FRMPD4: variants seen among roughly 807,000 people sequenced by gnomAD.
The protein encoded by FRMPD4 is FERM and PDZ domain-containing protein 4.
In FRMPD4, 22 loss-of-function variants were observed where a neutral mutation model predicts 94.1. The observed-to-expected ratio is 0.23, with a 90% confidence interval of 0.17 to 0.33. FRMPD4 has a LOEUF of 0.33. FRMPD4 is among the 10% of genes least tolerant of loss of function. FRMPD4 has a pLI of 1.00. For missense variants in FRMPD4, 1,111 were observed against 1,339.9 expected, an observed-to-expected ratio of 0.83 and a Z score of 2.67; for synonymous variants, 631 against 548.6, an observed-to-expected ratio of 1.15 and a Z score of -2.10.
chrX:12,535,649 C>T (rs933230804), intron 2 of FRMPD4, among the ~76,000 whole-genome samples: 1 of 112,365 alleles, frequency 8.9e-6, no homozygotes, highest in Non-Finnish European at 1.9e-5. Context: ...AAGCAGGAGT[C>T]AGCAACTATA....
intron 1 of FRMPD4, among the ~76,000 whole-genome samples, chrX:12,319,289 GCAGT>G (rs761159161): frequency 8.9e-6 from 1 of 112,325 alleles, no homozygotes; most frequent in Non-Finnish European, 1.9e-5. Flanking sequence ...TTGCATGCAG[GCAGT>G]ATTTTTCAGA....
intron 1 of FRMPD4, among the ~76,000 whole-genome samples, chrX:12,277,614 T>C (rs912247642): frequency 1.8e-5 from 2 of 111,998 alleles, no homozygotes; most frequent in South Asian, 7.5e-4. Context: ...AAGGGGGTTT[T>C]ATCTCCTTTT....
chrX:12,637,716 T>C (rs2059455927), intron 4 of FRMPD4, among the ~76,000 whole-genome samples: 1 of 111,137 alleles, frequency 9.0e-6, no homozygotes, highest in African/African-American at 3.3e-5. Context: ...TTCCCCTATG[T>C]GACACTCTGC....
Position 12,332,066 on chromosome X carries a change from TA to T in FRMPD4, c.42-166612del, listed in dbSNP as rs1167160501. On this transcript the variant is annotated intron_variant, in intron 1 of 16. Coordinates refer to ENST00000675598, the MANE Select transcript of FRMPD4 (RefSeq NM_001368397.1). ...CTATATATAAATTATATGTAATATA[TA>T]ATTTATATTATATATAATTTATATT... 1.8e-3 allele frequency among the ~76,000 whole-genome samples: 107 copies of T among 59,206 alleles called. 21 individuals carry two copies. Among genetic ancestry groups the T allele is most frequent in the African/African-American group, 6.8e-3 (100 of 14,758 alleles). 51.4% of individuals were successfully genotyped at this position (59,206 alleles called of 115,157 possible). A position where few individuals can be genotyped will look rare whatever the true frequency, so the allele number is the denominator to read the frequency against.
intron 1 of FRMPD4, among the ~76,000 whole-genome samples, chrX:12,472,393 G>A (rs184124220): frequency 8.0e-5 from 9 of 112,449 alleles, no homozygotes; most frequent in Admixed American, 7.5e-4. Flanking sequence ...AAACTTGGAA[G>A]TGCTCTTAAA....
intron 1 of FRMPD4, among the ~76,000 whole-genome samples, chrX:12,302,366 G>A (rs1322939573): frequency 9.0e-6 from 1 of 111,648 alleles, no homozygotes. Context: ...ATTAGATGTT[G>A]CGTAATTTAT....
At chrX:12,025,430 G>A (rs1417319318) in intron 3 of FRMPD4, among the ~76,000 whole-genome samples, 3 of 110,413 alleles carry the variant, frequency 2.7e-5, no homozygotes, top group African/African-American at 9.9e-5. Flanking sequence ...ATTTTTCTGT[G>A]TAAACCTGTA....
chrX:12,600,624 A>C (rs967157219), intron 2 of FRMPD4, among the ~76,000 whole-genome samples: 14 of 112,172 alleles, frequency 1.2e-4, no homozygotes, highest in Non-Finnish European at 9.4e-5. Context: ...GTCACCAGCA[A>C]ACCAACAACC....
chrX:12,556,752 T>A (rs141072207), intron 2 of FRMPD4, among the ~76,000 whole-genome samples: 1,785 of 112,157 alleles, frequency 0.016, 29 homozygotes, highest in African/African-American at 0.052. Flanking sequence ...AAAGGATGCA[T>A]GTGTAGGAGC....
chrX:12,696,027 C>T (rs939384384), intron 9 of FRMPD4, among the ~76,000 whole-genome samples: 9 of 111,734 alleles, frequency 8.1e-5, no homozygotes, highest in Non-Finnish European at 1.3e-4. Context: ...TGAGCCACCG[C>T]GCCCAGCCCT....
intron 1 of FRMPD4, among the ~76,000 whole-genome samples, chrX:12,490,274 C>T (rs1178196334): frequency 2.7e-5 from 3 of 110,427 alleles, no homozygotes; most frequent in Non-Finnish European, 5.7e-5. Flanking sequence ...GGGTGGAGCC[C>T]TCATGACTTA....
At chrX:12,130,274 C>A (rs769976455) in intron 3 of FRMPD4, among the ~76,000 whole-genome samples, 1 of 111,875 alleles carries the variant, frequency 8.9e-6, no homozygotes, top group South Asian at 3.8e-4. Flanking sequence ...CCCCACTGTT[C>A]TCAACATCTT....
intron 1 of FRMPD4, among the ~76,000 whole-genome samples, chrX:12,210,407 C>G (rs1420806019): frequency 9.0e-6 from 1 of 111,115 alleles, no homozygotes; most frequent in Non-Finnish European, 1.9e-5. Context: ...CCAGCACAAG[C>G]CAATATGAAC....
chrX:12,208,903 C>T (rs1450419584), intron 1 of FRMPD4, among the ~76,000 whole-genome samples: 1 of 111,948 alleles, frequency 8.9e-6, no homozygotes, highest in Middle Eastern at 4.8e-3. Flanking sequence ...TTGGAAGAAA[C>T]TACAACAACA....
At chrX:11,894,944 C>A (rs143104704) in intron 3 of FRMPD4, among the ~76,000 whole-genome samples, 1 of 111,719 alleles carries the variant, frequency 9.0e-6, no homozygotes, top group East Asian at 2.8e-4. Context: ...GATCTACATG[C>A]GGCAGATAGG....
intron 1 of FRMPD4, among the ~76,000 whole-genome samples, chrX:12,311,282 G>C (rs983812749): frequency 8.9e-6 from 1 of 111,898 alleles, no homozygotes; most frequent in Non-Finnish European, 1.9e-5. Context: ...AATCAAACAT[G>C]AATTGTTAGC....
intron 3 of FRMPD4, among the ~76,000 whole-genome samples, chrX:12,032,067 G>C (rs994056363): frequency 1.8e-5 from 2 of 111,798 alleles, no homozygotes; most frequent in African/African-American, 6.5e-5. Context: ...GATTTTGATG[G>C]GAACGAAAAA....
In FRMPD4 at chrX:12,716,279, A is replaced by G; in HGVS notation, c.1820A>G (p.Asn607Ser). The change falls in exon 15 of 17, where the codon AAC becomes AGC. Residue 607 changes from asparagine (N) to serine (S), a missense_variant. By Grantham distance (46) the Asn-to-Ser change is conservative (BLOSUM62 1). Around this residue, in one of 8 missense-constraint regions of FRMPD4, gnomAD observed 192 missense variants for 192.5 expected, o/e 1.00. Transcript: ENST00000675598. Reference protein sequence around the residue: ...IDNAYSSDGLNQQLSQPGEAP... With the variant: ...IDNAYSSDGLSQQLSQPGEAP... Reference sequence around the variant, plus strand: ...AATGCCTATAGTTCAGATGGACTTAACCAGCAGCTGAGCCAGCCCGGGGAG... The same window carrying G: ...AATGCCTATAGTTCAGATGGACTTAGCCAGCAGCTGAGCCAGCCCGGGGAG... 8.3e-7 allele frequency: 1 copy of G among 1,210,900 alleles called. No homozygotes were observed. The highest frequency in any genetic ancestry group is 1.1e-6 in the Non-Finnish European group (1 of 894,590).
intron 3 of FRMPD4, among the ~76,000 whole-genome samples, chrX:11,909,736 T>C (rs2053986574): frequency 9.0e-6 from 1 of 111,272 alleles, no homozygotes; most frequent in South Asian, 3.7e-4. Context: ...GTCTTCATTT[T>C]CAAAATTCCA....
Sources: gnomAD v4.1 joint callset for allele counts (sites outside exome capture counted in the v4.1 genomes callset) on GRCh38, gnomAD v4.1.1 for gene constraint, gnomAD v4.1.1 regional missense constraint, MANE v1.5 for transcripts, NCBI Gene and HGNC (gene_info 2026-07-23, HGNC 2026-07-21) for gene names.